The following METAP1 variants were observed in gnomAD, a reference collection of about 807,000 sequenced individuals.
The protein encoded by METAP1 is methionyl aminopeptidase 1.
Under a neutral mutation model 53.8 loss-of-function variants are expected in METAP1, and 28 were observed. The observed-to-expected ratio is 0.52, with a 90% CI of 0.39 to 0.71. The LOEUF is 0.71. Among genes scored for constraint, METAP1 ranks in the 30% least tolerant of loss-of-function variants. The pLI, the probability that METAP1 is intolerant of heterozygous loss-of-function variation, is 0.00. For missense variants in METAP1, 389 were observed against 479.8 expected (o/e 0.81, Z 1.77); for synonymous variants, 181 against 165.7 (o/e 1.09, Z -0.71).
In METAP1 at chr4:99,003,700, A is replaced by G. The variant is rs991141288; in HGVS notation, c.114+7833A>G. Among the ~76,000 whole-genome samples, 8 of 152,192 alleles carry G rather than the reference A, an allele frequency of 5.3e-5. No homozygotes were observed. The South Asian group carries it at 8.3e-4, about 16-fold the overall frequency. On this transcript the variant is annotated intron_variant, in intron 1 of 10. Transcript: ENST00000296411. The stretch of plus-strand genomic sequence containing the variant: ...ATAAAAATATTAGTAAATGTTTGGG[A>G]AAAAAACTCAAACTTTTTTCCCTCT...
chr4:99,012,371 A>G (rs1723521901), intron 1 of METAP1, among the ~76,000 whole-genome samples: 1 of 150,972 alleles, frequency 6.6e-6, no homozygotes, highest in Admixed American at 6.6e-5. Context: ...CCTGGATTCA[A>G]GTGATTCTCT....
At chr4:99,032,236 GTTTTT>G (rs369628710) in intron 2 of METAP1, among the ~76,000 whole-genome samples, 1 of 146,030 alleles carries the variant, frequency 6.8e-6, no homozygotes, top group African/African-American at 2.5e-5. Context: ...GTTTTGTTTT[GTTTTT>G]TTTTGAGACA....
chr4:99,005,561 A>G (rs1723135105), intron 1 of METAP1, among the ~76,000 whole-genome samples: 2 of 152,224 alleles, frequency 1.3e-5, no homozygotes, highest in Non-Finnish European at 2.9e-5. Flanking sequence ...ACCACTGTAG[A>G]AACCACTGGG....
At chr4:99,021,370 AGAATCCAGATGTATTCCTCTTACTGG>A (rs771768264) in intron 1 of METAP1, among the ~76,000 whole-genome samples, 6 of 152,130 alleles carry the variant, frequency 3.9e-5, no homozygotes, top group Non-Finnish European at 8.8e-5. Flanking sequence ...TGCATTGCTG[AGAATCCAGATGTATTCCTCTTACTGG>A]GTGAGCCCTG....
At chr4:99,047,644 A>G (rs1171396467) in intron 8 of METAP1, among the ~76,000 whole-genome samples, 2 of 152,196 alleles carry the variant, frequency 1.3e-5, no homozygotes, top group African/African-American at 4.8e-5. Context: ...GATGGGAAAG[A>G]TACATTGTAT....
At chr4:99,031,612 G>T in intron 2 of METAP1, 7 of 1,272,964 alleles carry the variant, frequency 5.5e-6, no homozygotes, top group Non-Finnish European at 7.2e-6. Flanking sequence ...GTTTGTGTGA[G>T]GATTAAATAA....
intron 1 of METAP1, 103 bp downstream of exon 1, chr4:98,995,970 T>G (rs1034300518): frequency 6.6e-6 from 6 of 904,074 alleles, no homozygotes; most frequent in Non-Finnish European, 8.6e-6. Context: ...GACGCGCTCC[T>G]CCTCTTCCCC....
At chr4:98,996,140 C>A (rs912679361) in intron 1 of METAP1, among the ~76,000 whole-genome samples, 74 of 152,206 alleles carry the variant, frequency 4.9e-4, no homozygotes, top group Non-Finnish European at 7.1e-4. Flanking sequence ...TGCGGGGTCG[C>A]GTGGCCGCGC....
chr4:99,061,327 AGATG>A lies in METAP1; in HGVS notation c.*12_*15del. The A allele has an allele frequency of 1.2e-6, 2 of 1,610,336 alleles. No homozygotes were observed. The highest frequency in any genetic ancestry group is 1.7e-6 in the Non-Finnish European group (2 of 1,177,508). The stretch of plus-strand genomic sequence containing the variant: ...CATGTCTCAATTTTAATTTCTCCCA[AGATG>A]GCACATCTCAGTACCTTCTTACTGT... On this transcript the variant is annotated 3_prime_UTR_variant, in exon 11 of 11. Transcript: ENST00000296411.
At chr4:99,031,804 T>C in intron 2 of METAP1, 2 of 383,150 alleles carry the variant, frequency 5.2e-6, no homozygotes, top group South Asian at 4.0e-5. Context: ...TACAACTTTT[T>C]AAAGAATAAA....
intron 1 of METAP1, 78 bp downstream of exon 1, chr4:98,995,945 C>T (rs1019926078): frequency 6.6e-6 from 8 of 1,210,092 alleles, no homozygotes; most frequent in East Asian, 2.8e-5. Context: ...TCCTCCCGCC[C>T]TTGCGGCGAG....
chr4:99,008,071 A>T (rs1471253537), intron 1 of METAP1, among the ~76,000 whole-genome samples: 1 of 152,242 alleles, frequency 6.6e-6, no homozygotes, highest in African/African-American at 2.4e-5. Context: ...AAAGCAGCAC[A>T]CTAAGTAGCT....
At chr4:98,999,104 G>A (rs1305496709) in intron 1 of METAP1, among the ~76,000 whole-genome samples, 3 of 152,098 alleles carry the variant, frequency 2.0e-5, no homozygotes, top group Non-Finnish European at 4.4e-5. Context: ...ACCATGCCCG[G>A]CCGAGAATGT....
intron 1 of METAP1, among the ~76,000 whole-genome samples, chr4:99,012,466 G>T (rs1344485150): frequency 6.6e-6 from 1 of 151,344 alleles, no homozygotes; most frequent in South Asian, 2.1e-4. Context: ...GTAGAGACAG[G>T]GTTTCACCAT....
At chr4:99,029,000 A>C in intron 2 of METAP1, 82 bp downstream of exon 2, 1 of 924,744 alleles carries the variant, frequency 1.1e-6, no homozygotes, top group Non-Finnish European at 1.7e-6. Context: ...CTAGTTCTGA[A>C]AGTGTATATT....
chr4:99,047,418 T>C (rs778789878), intron 8 of METAP1, among the ~76,000 whole-genome samples: 1 of 152,172 alleles, frequency 6.6e-6, no homozygotes, highest in African/African-American at 2.4e-5. Flanking sequence ...TGTCACTCTT[T>C]CTATGCAACA....
intron 1 of METAP1, among the ~76,000 whole-genome samples, chr4:98,996,788 G>A (rs1722654346): frequency 6.6e-6 from 1 of 152,216 alleles, no homozygotes; most frequent in Non-Finnish European, 1.5e-5. Context: ...GCAATAGTAT[G>A]GCTCTTAGTT....
In METAP1 at chr4:98,999,238, A is replaced by C. The variant is rs74380212; in HGVS notation, c.114+3371A>C. On this transcript the variant is annotated intron_variant, in intron 1 of 10. Transcript: ENST00000296411. ...CATTAAATGTTTGAATTAATGGATA[A>C]ATGCATCAAAATAGAGAGGTATACT... 2.7e-3 allele frequency among the ~76,000 whole-genome samples: 411 copies of C among 152,262 alleles called. 4 individuals carry two copies. Among genetic ancestry groups the C allele is most frequent in the African/African-American group, 9.4e-3 (389 of 41,554 alleles).
Position 99,061,569 on chromosome 4 carries a change from G to T in METAP1, c.*252G>T, listed in dbSNP as rs1424694162. 2 of 325,472 alleles carry T rather than the reference G, an allele frequency of 6.1e-6. No individual in the cohort carries two copies. The highest frequency in any genetic ancestry group is 9.8e-5 in the Admixed American group (2 of 20,394). The allele number at this position is 325,472 out of a possible 1,614,324, so 20.2% of individuals were successfully genotyped here. ...ACCTGTTTTCTCATTTGCCCTTTGA[G>T]CACTTTTACTTAAACTTGCTTGTAG... On this transcript the variant is annotated 3_prime_UTR_variant, in exon 11 of 11. Coordinates refer to ENST00000296411, the MANE Select transcript of METAP1 (RefSeq NM_015143.3).
Sources: allele counts gnomAD v4.1 joint callset (sites outside exome capture counted in the v4.1 genomes callset), GRCh38; gene constraint gnomAD v4.1.1; transcripts MANE v1.5; gene names NCBI Gene and HGNC (gene_info 2026-07-23, HGNC 2026-07-21).